The following SDK1 variants were observed in gnomAD, a reference collection of about 807,000 sequenced individuals.
SDK1 encodes the protein protein sidekick-1.
Under a neutral mutation model 245.5 loss-of-function variants are expected in SDK1, and 157 were observed. That is an observed-to-expected ratio of 0.64 (90% CI 0.56 to 0.73). The LOEUF (loss-of-function observed/expected upper bound fraction) is 0.73. SDK1 is among the 30% of genes least tolerant of loss of function. SDK1 has a pLI of 0.00. For synonymous variants in SDK1, 1,647 were observed against 1,278.5 expected (o/e 1.29, Z -6.15); for missense variants, 3,583 against 3,002.3 (o/e 1.19, Z -4.52).
intron 2 of SDK1, among the ~76,000 whole-genome samples, chr7:3,629,214 T>C (rs1457439722): frequency 1.3e-5 from 2 of 149,110 alleles, no homozygotes; most frequent in African/African-American, 5.0e-5. Context: ...GGCAGGAGAA[T>C]GGTGTGAACC....
intron 1 of SDK1, among the ~76,000 whole-genome samples, chr7:3,592,128 G>T (rs914708331): frequency 4.6e-5 from 7 of 152,162 alleles, no homozygotes; most frequent in Non-Finnish European, 1.0e-4. Flanking sequence ...TACTGCCTGT[G>T]GAGTGAGGAA....
chr7:3,635,215 T>C (rs888711973), intron 2 of SDK1, among the ~76,000 whole-genome samples: 5 of 152,224 alleles, frequency 3.3e-5, no homozygotes, highest in Admixed American at 1.3e-4. Context: ...AATTTTGTTT[T>C]AGATGAACCA....
At chr7:3,761,087 G>A (rs985688707) in intron 4 of SDK1, among the ~76,000 whole-genome samples, 5 of 152,152 alleles carry the variant, frequency 3.3e-5, no homozygotes, top group African/African-American at 1.2e-4. Context: ...AAGTATGTGT[G>A]TAATTTTTAT....
intron 14 of SDK1, among the ~76,000 whole-genome samples, chr7:3,996,930 A>G (rs1013025528): frequency 1.3e-5 from 2 of 152,180 alleles, no homozygotes; most frequent in African/African-American, 2.4e-5. Context: ...TATGTGTAAT[A>G]TAGATTGTTT....
intron 4 of SDK1, among the ~76,000 whole-genome samples, chr7:3,700,300 T>G (rs569253471): frequency 2.0e-5 from 3 of 152,258 alleles, no homozygotes; most frequent in African/African-American, 7.2e-5. Flanking sequence ...GAAATATAGA[T>G]AAATAGACTT....
At chr7:3,608,719 C>T (rs578121245) in intron 1 of SDK1, among the ~76,000 whole-genome samples, 2 of 152,328 alleles carry the variant, frequency 1.3e-5, no homozygotes, top group African/African-American at 4.8e-5. Flanking sequence ...AGATCCATTC[C>T]AAGTACAGGA....
At chr7:4,173,976 G>A (rs1378610442) in intron 32 of SDK1, among the ~76,000 whole-genome samples, 1 of 152,172 alleles carries the variant, frequency 6.6e-6, no homozygotes. Context: ...AGCTGGACAG[G>A]GGTCAAAATG....
chr7:3,311,895 A>G (rs1475065272), intron 1 of SDK1, among the ~76,000 whole-genome samples: 1 of 152,204 alleles, frequency 6.6e-6, no homozygotes, highest in Admixed American at 6.5e-5. Flanking sequence ...TGATCTGAAT[A>G]CACGCCCCAA....
At chr7:3,925,567 G>A (rs529569276) in intron 5 of SDK1, among the ~76,000 whole-genome samples, 1 of 152,210 alleles carries the variant, frequency 6.6e-6, no homozygotes, top group Non-Finnish European at 1.5e-5. Context: ...TCCAGAGACG[G>A]CGTGTTCTCG....
chr7:3,420,606 T>G (rs1482747796), intron 1 of SDK1, among the ~76,000 whole-genome samples: 3 of 152,222 alleles, frequency 2.0e-5, no homozygotes, highest in Admixed American at 1.3e-4. Context: ...TACTTTGTCT[T>G]TTACAGAGCT....
At chr7:3,520,805 C>G (rs1476012235) in intron 1 of SDK1, among the ~76,000 whole-genome samples, 1 of 152,332 alleles carries the variant, frequency 6.6e-6, no homozygotes, top group Non-Finnish European at 1.5e-5. Context: ...TTTGTCCTGC[C>G]TACCTTTTTA....
chr7:3,477,189 C>CTTTTTTTTTTTT (rs35328849), intron 1 of SDK1, among the ~76,000 whole-genome samples: 4 of 78,626 alleles, frequency 5.1e-5, no homozygotes, highest in Non-Finnish European at 6.8e-5. Flanking sequence ...TGGTTTTCTC[C>CTTTTTTTTTTTT]TTTTTTTTTT....
rs139460236 is a variant in SDK1 at position 3,951,832 on chromosome 7, C to T, written c.1062C>T (p.Ser354=). 4.3e-4 allele frequency: 701 copies of T among 1,613,842 alleles called. 4 individuals carry two copies. The Middle Eastern group carries it at 5.9e-3, about 14-fold the overall frequency. The part of the protein sequence containing the change: ...GRRLTISNPT[S]ADTGPYVCEA... ...GCCTCACCATCAGCAACCCGACGTC[C>T]GCGGACACCGGGCCATACGTCTGCG... is the stretch of plus-strand genomic sequence containing the variant. Residue 354 remains serine, a synonymous_variant, in exon 7 of 45, where the codon TCC becomes TCT. Transcript: ENST00000404826.
At chr7:3,722,755 G>C (rs1053923601) in intron 4 of SDK1, among the ~76,000 whole-genome samples, 1 of 152,280 alleles carries the variant, frequency 6.6e-6, no homozygotes, top group Middle Eastern at 3.4e-3. Context: ...GGACTCGCGC[G>C]GGTGGCTCAG....
chr7:3,793,501 G>A (rs1286573740), intron 4 of SDK1, among the ~76,000 whole-genome samples: 1 of 152,160 alleles, frequency 6.6e-6, no homozygotes, highest in Non-Finnish European at 1.5e-5. Context: ...GCCTTAGATA[G>A]TCTTCAGGTT....
chr7:3,469,220 C>T (rs975185117), intron 1 of SDK1, among the ~76,000 whole-genome samples: 1 of 152,010 alleles, frequency 6.6e-6, no homozygotes, highest in Non-Finnish European at 1.5e-5. Flanking sequence ...GCCAGAAGTT[C>T]GAGACCAGCC....
At chr7:3,474,569 T>G (rs1781291430) in intron 1 of SDK1, among the ~76,000 whole-genome samples, 1 of 152,134 alleles carries the variant, frequency 6.6e-6, no homozygotes, top group South Asian at 2.1e-4. Flanking sequence ...CCTCACACTT[T>G]GTGTCTTACC....
chr7:4,155,679 C>G lies in SDK1; in HGVS notation c.4626-2769C>G, dbSNP rs568092902. 3.9e-4 allele frequency among the ~76,000 whole-genome samples: 60 copies of G among 152,294 alleles called. 2 individuals carry two copies. The South Asian group carries it at 0.012, about 31-fold the overall frequency. The stretch of plus-strand genomic sequence containing the variant: ...CACCTACTGTGTGCCAGATACAACA[C>G]TGGTATTTACGTGTCCTCATAGGCA... On this transcript the variant is annotated intron_variant, in intron 30 of 44. Coordinates refer to ENST00000404826, the MANE Select transcript of SDK1 (RefSeq NM_152744.4).
rs183171691 is a variant in SDK1, at chr7:3,521,551, T to C, written c.299-97529T>C. On this transcript the variant is annotated intron_variant, in intron 1 of 44. Coordinates refer to ENST00000404826, the MANE Select transcript of SDK1 (RefSeq NM_152744.4). ...GGGAACTTGTGATAAGCACTTATGT[T>C]AGTGTTTTAGGAGTTTAAAGGAAAG... is the stretch of plus-strand genomic sequence containing the variant. Among the ~76,000 whole-genome samples the C allele has an allele frequency of 1.7e-3, 262 of 152,286 alleles. 2 individuals carry two copies. The highest frequency in any genetic ancestry group is 5.9e-3 in the African/African-American group (244 of 41,562).
Sources: gnomAD v4.1 joint callset for allele counts (sites outside exome capture counted in the v4.1 genomes callset) on GRCh38, gnomAD v4.1.1 for gene constraint, MANE v1.5 for transcripts, NCBI Gene and HGNC (gene_info 2026-07-23, HGNC 2026-07-21) for gene names.